Variants in PCNX2 observed in about 807,000 individuals in gnomAD.
PCNX2 encodes the protein pecanex-like protein 2.
A neutral mutation model predicts 223.8 loss-of-function variants in PCNX2; 168 were observed. The ratio of observed to expected loss-of-function variants is 0.75; its 90% CI spans 0.66 to 0.85. The LOEUF (loss-of-function observed/expected upper bound fraction) is 0.85, where lower values mean the gene tolerates loss of function less well. Among genes scored for constraint, PCNX2 ranks in the 40% least tolerant of loss-of-function variants. The pLI, the probability that PCNX2 is intolerant of heterozygous loss-of-function variation, is 0.00. For missense variants in PCNX2, 2,507 were observed against 2,675.5 expected (o/e 0.94, Z 1.39); for synonymous variants, 1,006 against 1,052.6 (o/e 0.96, Z 0.86).
intron 21 of PCNX2, among the ~76,000 whole-genome samples, chr1:233,105,377 T>C (rs535591600): frequency 4.6e-5 from 7 of 152,292 alleles, no homozygotes; most frequent in African/African-American, 1.7e-4. Context: ...CCTTACAAAC[T>C]AGTAATAAAA....
At chr1:233,290,814 G>A (rs1426938947) in intron 1 of PCNX2, 4 of 985,322 alleles carry the variant, frequency 4.1e-6, no homozygotes, top group East Asian at 1.1e-4. Flanking sequence ...TTAAAGGAAA[G>A]GAAACAGAAA....
intron 15 of PCNX2, among the ~76,000 whole-genome samples, chr1:233,188,259 T>G (rs1198707712): frequency 2.0e-5 from 3 of 152,148 alleles, no homozygotes; most frequent in Admixed American, 2.0e-4. Flanking sequence ...CAGCTCCCCC[T>G]GGCTGTCGGA....
chr1:233,207,092 T>C (rs527645011), intron 13 of PCNX2, among the ~76,000 whole-genome samples: 11 of 151,594 alleles, frequency 7.3e-5, no homozygotes, highest in Non-Finnish European at 1.6e-4. Context: ...GTGTTGAGGA[T>C]GCATAGAAAG....
intron 21 of PCNX2, among the ~76,000 whole-genome samples, chr1:233,128,771 C>G (rs1676252480): frequency 6.6e-6 from 1 of 152,220 alleles, no homozygotes; most frequent in Non-Finnish European, 1.5e-5. Flanking sequence ...CCTAAAGACC[C>G]AGACAACCAG....
chr1:233,124,574 A>G (rs1256259467), intron 21 of PCNX2, among the ~76,000 whole-genome samples: 2 of 152,218 alleles, frequency 1.3e-5, no homozygotes, highest in Non-Finnish European at 2.9e-5. Flanking sequence ...TACCATCCAG[A>G]AACTTGGAGG....
chr1:233,216,151 G>A (rs1026987840), intron 12 of PCNX2, among the ~76,000 whole-genome samples: 14 of 152,140 alleles, frequency 9.2e-5, no homozygotes, highest in Non-Finnish European at 5.9e-5. Flanking sequence ...GTTGCTTAGC[G>A]AGCTGGGGAG....
At chr1:233,176,372 C>T (rs1016689082) in intron 17 of PCNX2, among the ~76,000 whole-genome samples, 6 of 152,122 alleles carry the variant, frequency 3.9e-5, no homozygotes, top group Non-Finnish European at 5.9e-5. Context: ...TTTCTTCTCC[C>T]GTGCTCCACC....
At chr1:233,003,706 T>C (rs968097358) in intron 28 of PCNX2, among the ~76,000 whole-genome samples, 1 of 152,218 alleles carries the variant, frequency 6.6e-6, no homozygotes, top group African/African-American at 2.4e-5. Context: ...TGCACACGTA[T>C]GTTTACTGCA....
chr1:233,033,890 G>C (rs1671354999), intron 25 of PCNX2, among the ~76,000 whole-genome samples: 2 of 152,066 alleles, frequency 1.3e-5, no homozygotes. Context: ...TTAATGTATT[G>C]AAACCCTATC....
intron 1 of PCNX2, among the ~76,000 whole-genome samples, chr1:233,293,041 T>C (rs1002188732): frequency 6.6e-6 from 1 of 152,104 alleles, no homozygotes; most frequent in Non-Finnish European, 1.5e-5. Context: ...AAAAGCAAAT[T>C]AATGAAGGAC....
chr1:233,075,696 A>AACACACACACACACACACAC (rs369431993), intron 23 of PCNX2, among the ~76,000 whole-genome samples: 1 of 137,242 alleles, frequency 7.3e-6, no homozygotes, highest in African/African-American at 2.8e-5. Context: ...GTTAGCTTAA[A>AACACACACACACACACACAC]ACACACACAC....
Position 233,250,834 on chromosome 1 carries a change from T to C in PCNX2, c.2129-2A>G, listed in dbSNP as rs759917992. On this transcript the variant is annotated splice_acceptor_variant, in intron 7 of 33. Transcript: ENST00000258229. LOFTEE classifies it high-confidence loss of function. ...TTAAATAACAGGATCTAATTTCCCC[T>C]GTAAAATCAGAAAATTTCAGCAAAG... The C allele has an allele frequency of 3.2e-6, 5 of 1,577,592 alleles. No individual in the cohort carries two copies. In the East Asian group the frequency reaches 1.1e-4, roughly 36 times the overall value.
At chr1:233,225,250 G>A (rs1675477899) in intron 10 of PCNX2, among the ~76,000 whole-genome samples, 1 of 151,746 alleles carries the variant, frequency 6.6e-6, no homozygotes, top group African/African-American at 2.4e-5. Context: ...TCTGGGAGCT[G>A]GGCCACATTC....
intron 17 of PCNX2, among the ~76,000 whole-genome samples, chr1:233,177,563 T>C (rs1679549547): frequency 6.6e-6 from 1 of 152,210 alleles, no homozygotes; most frequent in African/African-American, 2.4e-5. Context: ...AAAATGGCCT[T>C]GCTGAGTAAG....
At chr1:233,190,679 G>C (rs1680372266) in intron 15 of PCNX2, among the ~76,000 whole-genome samples, 1 of 152,146 alleles carries the variant, frequency 6.6e-6, no homozygotes, top group Non-Finnish European at 1.5e-5. Context: ...ACTGGTCAAA[G>C]CCTGTTTCAA....
Position 233,000,358 on chromosome 1 carries a change from C to T in PCNX2, c.5275G>A (p.Glu1759Lys), listed in dbSNP as rs781535951. Residue 1759 changes from glutamate (E) to lysine (K), a missense_variant, in exon 30 of 34, where the codon GAG (glutamate) becomes AAG (lysine). By Grantham distance (56) the Glu-to-Lys change is moderately conservative. Coordinates refer to ENST00000258229, the MANE Select transcript of PCNX2 (RefSeq NM_014801.4). The surrounding 1 kb of genome is among the most constrained non-coding windows in gnomAD (Gnocchi z 4.6). ...CTGTGGAGCATGATGACCTTGTACT[C>T]GTCGGCACCCTCGTCCACCACGTGC... ...LRHVVDEGAD[E>K]YKVIMLHRSF... The T allele has an allele frequency of 1.2e-5, 20 of 1,613,700 alleles. No homozygotes were observed. Among genetic ancestry groups the T allele is most frequent in the Middle Eastern group, 1.6e-4 (1 of 6,080 alleles).
chr1:233,309,380 A>G, the PCNX2 span, among the ~76,000 whole-genome samples: 2 of 151,764 alleles, frequency 1.3e-5, no homozygotes, highest in Non-Finnish European at 2.9e-5. Context: ...CACTTCTACT[A>G]AAATACAAAA....
chr1:233,123,560 C>T (rs2057631), intron 21 of PCNX2, among the ~76,000 whole-genome samples: 22,826 of 150,668 alleles, frequency 0.15, 1,898 homozygotes, highest in East Asian at 0.24. Flanking sequence ...CCAGCCTGGG[C>T]GACAAGAGCA....
At chr1:233,242,807 T>G (rs530793923) in intron 8 of PCNX2, among the ~76,000 whole-genome samples, 30 of 152,316 alleles carry the variant, frequency 2.0e-4, no homozygotes, top group African/African-American at 7.2e-4. Flanking sequence ...CTAGGCAGAT[T>G]AGCAATTCCA....
Sources: gnomAD v4.1 joint callset for allele counts (sites outside exome capture counted in the v4.1 genomes callset) on GRCh38, gnomAD v4.1.1 for gene constraint, Gnocchi (gnomAD v3.1) non-coding constraint, MANE v1.5 for transcripts, NCBI Gene and HGNC (gene_info 2026-07-23, HGNC 2026-07-21) for gene names.